SLCO4A1: variants seen among roughly 807,000 people sequenced by gnomAD.
The protein encoded by SLCO4A1 is solute carrier organic anion transporter family member 4A1.
SLCO4A1 carries 51 observed loss-of-function variants against 64.6 expected under a neutral mutation model. The observed-to-expected ratio is 0.79, with a 90% CI of 0.63 to 1.00. The LOEUF is 1.00. Among genes scored for constraint, SLCO4A1 ranks in the 50% least tolerant of loss-of-function variants. The pLI, the probability that SLCO4A1 is intolerant of heterozygous loss-of-function variation, is 0.00. For synonymous variants in SLCO4A1, 471 were observed against 444.9 expected (o/e 1.06, Z -0.74); for missense variants, 919 against 980.5 (o/e 0.94, Z 0.84).
chr20:62,660,830 C>A (rs1224874063), intron 4 of SLCO4A1, among the ~76,000 whole-genome samples: 1 of 152,240 alleles, frequency 6.6e-6, no homozygotes, highest in Admixed American at 6.5e-5. Flanking sequence ...CTCCTTCCCC[C>A]AGCCCCACTT....
rs1569113108 is a variant in SLCO4A1, at chr20:62,645,245, A to C, written c.-97+2692A>C. On this transcript the variant is annotated intron_variant, in intron 1 of 11. Transcript: ENST00000217159. This position sits in a 1 kb window ranked among gnomAD's most constrained non-coding sequence, Gnocchi z 4.2. Reference sequence around the variant, plus strand: ...TGCCAGTAACTCACATGCTAGGTTAACAGGTTCTGGGTGACTCTGAGCCTT... The same window carrying C: ...TGCCAGTAACTCACATGCTAGGTTACCAGGTTCTGGGTGACTCTGAGCCTT... Among the ~76,000 whole-genome samples, 1 of 152,072 alleles carries C rather than the reference A, an allele frequency of 6.6e-6. No individual in the cohort carries two copies. Among genetic ancestry groups the C allele is most frequent in the Non-Finnish European group, 1.5e-5 (1 of 68,014 alleles).
Position 62,661,040 on chromosome 20 carries a change from C to CCCCCCCCCCCCCCACA in SLCO4A1, c.1010-23_1010-22insCCCCCCCCCCCCACAC. 7.2e-7 allele frequency: 1 copy of CCCCCCCCCCCCCCACA among 1,395,920 alleles called. No homozygotes were observed. The highest frequency in any genetic ancestry group is 1.0e-6 in the Non-Finnish European group (1 of 984,524). 86.5% of individuals were successfully genotyped at this position (1,395,920 alleles called of 1,614,324 possible). A position where few individuals can be genotyped will look rare whatever the true frequency, so the allele number is the denominator to read the frequency against. On this transcript the variant is annotated intron_variant, in intron 4 of 11. Coordinates refer to ENST00000217159, the MANE Select transcript of SLCO4A1 (RefSeq NM_016354.4). This position sits in a 1 kb window ranked among gnomAD's most constrained non-coding sequence, Gnocchi z 5.2. ...CTCCGGGAGCCCCCAGCCCCCAGCCCCAGCTCACTCTGTGCCCTTCCAGGC... is the reference window on the plus strand; with the variant it reads ...CTCCGGGAGCCCCCAGCCCCCAGCCCCCCCCCCCCCCCCACACAGCTCACTCTGTGCCCTTCCAGGC...
chr20:62,642,759 C>G (rs1420618058), intron 1 of SLCO4A1, among the ~76,000 whole-genome samples: 1 of 152,166 alleles, frequency 6.6e-6, no homozygotes, highest in Non-Finnish European at 1.5e-5. Flanking sequence ...CCAAATTCGC[C>G]GCTTCCCGCC....
At position 62,671,780 on chromosome 20, in the gene SLCO4A1, T is replaced by C. The variant is rs757176216; in HGVS notation, c.2056T>C (p.Cys686Arg). Reference sequence around the variant, plus strand: ...GGGCGTCCTCTTCTTTGCCATAGCCTGCTTCTTATACAAGCCCCTGTCGGA... The same window carrying C: ...GGGCGTCCTCTTCTTTGCCATAGCCCGCTTCTTATACAAGCCCCTGTCGGA... ...VLGVLFFAIA[C>R]FLYKPLSESS... Residue 686 changes from cysteine to arginine, a missense_variant, in exon 12 of 12, where the codon TGC (cysteine) becomes CGC (arginine). Cys to Arg is a radical substitution (Grantham distance 180, BLOSUM62 -3). Transcript: ENST00000217159. 1 of 1,613,734 alleles carries C rather than the reference T, an allele frequency of 6.2e-7. No homozygotes were observed. Among genetic ancestry groups the C allele is most frequent in the South Asian group, 1.1e-5 (1 of 91,086 alleles).
chr20:62,651,055 C>T (rs887679994), intron 1 of SLCO4A1, among the ~76,000 whole-genome samples: 1 of 152,206 alleles, frequency 6.6e-6, no homozygotes, highest in Non-Finnish European at 1.5e-5. Flanking sequence ...GGACCCTCCT[C>T]ATCGCCCTGA....
At chr20:62,653,962 C>G (rs1230476524) in intron 1 of SLCO4A1, among the ~76,000 whole-genome samples, 2 of 151,954 alleles carry the variant, frequency 1.3e-5, no homozygotes, top group Non-Finnish European at 1.5e-5. Flanking sequence ...ATGGGTGCAG[C>G]ACACCAACAT....
intron 1 of SLCO4A1, among the ~76,000 whole-genome samples, chr20:62,654,482 C>G (rs1440771326): frequency 6.6e-6 from 1 of 152,080 alleles, no homozygotes; most frequent in Non-Finnish European, 1.5e-5. Flanking sequence ...AGCCCAGGTC[C>G]CCACGGGACT....
intron 7 of SLCO4A1, chr20:62,667,371 CTG>C (rs1010745651): frequency 1.3e-4 from 28 of 221,176 alleles, no homozygotes; most frequent in African/African-American, 6.1e-4. Flanking sequence ...GAACCGAGGA[CTG>C]GGGTGGGGCT....
At chr20:62,654,233 C>A (rs1434079965) in intron 1 of SLCO4A1, among the ~76,000 whole-genome samples, 1 of 152,118 alleles carries the variant, frequency 6.6e-6, no homozygotes, top group Admixed American at 6.6e-5. Flanking sequence ...TCATCTTCTC[C>A]TCTAAAAATG....
chr20:62,689,854 C>T (rs908602536), downstream of SLCO4A1, among the ~76,000 whole-genome samples: 8 of 152,202 alleles, frequency 5.3e-5, no homozygotes, highest in African/African-American at 1.7e-4. Context: ...TGTCTGGGGC[C>T]GAGGAAGGGG....
chr20:62,658,292 G>C lies in SLCO4A1; in HGVS notation c.797-385G>C, dbSNP rs116380013. On this transcript the variant is annotated intron_variant, in intron 2 of 11. Transcript: ENST00000217159. ...CACCACACCGAGCCTTCCAAATCCC[G>C]GCCTGTGGGAGAGTGAGCGTGGCTG... 5.8e-3 allele frequency among the ~76,000 whole-genome samples: 885 copies of C among 152,320 alleles called. 4 individuals carry two copies. The highest frequency in any genetic ancestry group is 0.019 in the African/African-American group (775 of 41,564).
chr20:62,666,370 C>G lies in SLCO4A1; in HGVS notation c.1277-10C>G, dbSNP rs774164622. The G allele has an allele frequency of 3.1e-6, 5 of 1,611,190 alleles. No homozygotes were observed. The Admixed American group carries it at 8.3e-5, about 27-fold the overall frequency. On this transcript the variant is annotated splice_polypyrimidine_tract_variant and intron_variant, in intron 6 of 11. Transcript: ENST00000217159. The stretch of plus-strand genomic sequence containing the variant: ...CCTGAGTCCCTGGCTGAATCCCTCC[C>G]TCTCCCCAGGGTACCTGGTGGTGCC...
chr20:62,690,555 A>C (rs1988194343), downstream of SLCO4A1, among the ~76,000 whole-genome samples: 1 of 152,192 alleles, frequency 6.6e-6, no homozygotes, highest in Non-Finnish European at 1.5e-5. Flanking sequence ...CAGGAGAGAA[A>C]CTGCAAAAGG....
Position 62,646,988 on chromosome 20 carries a change from C to G in SLCO4A1, c.-97+4435C>G, listed in dbSNP as rs553769750. 1.4e-3 allele frequency among the ~76,000 whole-genome samples: 217 copies of G among 152,370 alleles called. 1 individual carries two copies. The highest frequency in any genetic ancestry group is 2.8e-3 in the Non-Finnish European group (191 of 68,032). ...GGTCCTTCTGGGCTGGCCCTGCTGC[C>G]GCACCCTGGCTCCCTCTTGCTCAGA... On this transcript the variant is annotated intron_variant, in intron 1 of 11. Transcript: ENST00000217159.
chr20:62,666,151 T>TCCCCTTCCCCTTCCCCTTCCCCTG (rs1569142398), intron 6 of SLCO4A1: 1 of 115,416 alleles, frequency 8.7e-6, no homozygotes, highest in Non-Finnish European at 1.7e-5. Flanking sequence ...CCCTTCCCCT[T>TCCCCTTCCCCTTCCCCTTCCCCTG]CCCCTCTGAG....
At chr20:62,667,160 A>G (rs1208705856) in intron 7 of SLCO4A1, among the ~76,000 whole-genome samples, 3 of 152,254 alleles carry the variant, frequency 2.0e-5, no homozygotes, top group South Asian at 4.1e-4. Context: ...TGTCCTCACA[A>G]CAGAGGCCCT....
chr20:62,643,775 A>G (rs770529053), intron 1 of SLCO4A1, among the ~76,000 whole-genome samples: 3 of 152,224 alleles, frequency 2.0e-5, no homozygotes, highest in Non-Finnish European at 4.4e-5. Context: ...TAATAATGAC[A>G]AGGACAGTGA....
intron 2 of SLCO4A1, among the ~76,000 whole-genome samples, chr20:62,679,252 C>G (rs1306963400): frequency 6.6e-6 from 1 of 152,108 alleles, no homozygotes; most frequent in Non-Finnish European, 1.5e-5. Flanking sequence ...CTCTGGGTCA[C>G]GAAGCTATCT....
In SLCO4A1 at chr20:62,657,077, G is replaced by A. The variant is rs189024323; in HGVS notation, c.623G>A (p.Cys208Tyr). The A allele has an allele frequency of 1.4e-5, 22 of 1,602,812 alleles. No homozygotes were observed. The East Asian group carries it at 4.3e-4, about 31-fold the overall frequency. ...EVELDAGVRT[C>Y]PANPGAVCAD... ...GAGTTGGACGCGGGTGTCAGGACGT[G>A]CCCTGCCAACCCCGGCGCGGTGTGT... Residue 208 changes from cysteine to tyrosine, a missense_variant, in exon 2 of 12, where the codon TGC becomes TAC. Coordinates refer to ENST00000217159, the MANE Select transcript of SLCO4A1 (RefSeq NM_016354.4).
Sources: gnomAD v4.1 joint callset for allele counts (sites outside exome capture counted in the v4.1 genomes callset) on GRCh38, gnomAD v4.1.1 for gene constraint, Gnocchi (gnomAD v3.1) non-coding constraint, MANE v1.5 for transcripts, NCBI Gene and HGNC (gene_info 2026-07-23, HGNC 2026-07-21) for gene names.